Variants in STRN3 observed in about 807,000 individuals in gnomAD.
The protein encoded by STRN3 is striatin-3.
STRN3 carries 29 observed loss-of-function variants against 95.6 expected under a neutral mutation model. That is an observed-to-expected ratio of 0.30 (90% CI 0.23 to 0.41). The LOEUF is 0.41. Ranked by LOEUF, STRN3 falls within the 10% of genes least tolerant of loss-of-function variation. The pLI is 1.00. For missense variants in STRN3, 890 were observed against 972.1 expected (o/e 0.92, Z 1.12); for synonymous variants, 331 against 357.6 (o/e 0.93, Z 0.84).
At chr14:31,001,407 G>A (rs1882443725) in intron 1 of STRN3, among the ~76,000 whole-genome samples, 1 of 151,818 alleles carries the variant, frequency 6.6e-6, no homozygotes, top group African/African-American at 2.4e-5. Context: ...ATGGTGATGT[G>A]CGCCTGCAGT....
chr14:30,908,160 T>C (rs1896515684), intron 13 of STRN3, among the ~76,000 whole-genome samples: 1 of 152,194 alleles, frequency 6.6e-6, no homozygotes, highest in Non-Finnish European at 1.5e-5. Flanking sequence ...TTACTGCTTC[T>C]CTACTACACA....
intron 1 of STRN3, among the ~76,000 whole-genome samples, chr14:31,019,961 G>T (rs147074168): frequency 0.018 from 2,748 of 148,966 alleles, 86 homozygotes; most frequent in African/African-American, 0.063. Flanking sequence ...GGGCTCAAGT[G>T]ATCCTCCCAT....
chr14:30,931,258 G>C (rs1193684405), intron 7 of STRN3, among the ~76,000 whole-genome samples: 1 of 152,092 alleles, frequency 6.6e-6, no homozygotes, highest in Non-Finnish European at 1.5e-5. Context: ...GTTTGATATT[G>C]CTTATAAGAA....
At chr14:30,931,326 T>A (rs549631174) in intron 7 of STRN3, among the ~76,000 whole-genome samples, 46 of 152,230 alleles carry the variant, frequency 3.0e-4, no homozygotes, top group South Asian at 1.2e-3. Context: ...ATCCTTTTTT[T>A]AAAAAATCTA....
chr14:30,929,169 C>A (rs1461232079), intron 8 of STRN3, 32 bp downstream of exon 8: 1 of 1,536,294 alleles, frequency 6.5e-7, no homozygotes, highest in Non-Finnish European at 8.8e-7. Context: ...TATTGGTATA[C>A]AAAAATTATA....
chr14:30,948,492 T>C (rs1196071208), intron 4 of STRN3, among the ~76,000 whole-genome samples: 1 of 152,008 alleles, frequency 6.6e-6, no homozygotes, highest in Non-Finnish European at 1.5e-5. Flanking sequence ...AATGAAAATA[T>C]TTGAGAAATT....
At chr14:30,972,544 C>A (rs890191693) in intron 1 of STRN3, among the ~76,000 whole-genome samples, 1 of 151,958 alleles carries the variant, frequency 6.6e-6, no homozygotes, top group Non-Finnish European at 1.5e-5. Flanking sequence ...ATTTCTTTTG[C>A]GGCACGGAAA....
Position 30,937,378 on chromosome 14 carries a change from T to C in STRN3, c.717-754A>G, listed in dbSNP as rs951983814. ...GCCCAGATTTATAGTAAATCAGATA[T>C]AAAACAACCCAATCCATTTCACAGA... is the stretch of plus-strand genomic sequence containing the variant. On this transcript the variant is annotated intron_variant, in intron 5 of 17. Coordinates refer to ENST00000357479, the MANE Select transcript of STRN3 (RefSeq NM_001083893.2). 5.9e-5 allele frequency among the ~76,000 whole-genome samples: 9 copies of C among 152,002 alleles called. No homozygotes were observed. In the East Asian group the frequency reaches 1.5e-3, roughly 26 times the overall value.
intron 1 of STRN3, 197 bp downstream of exon 1, chr14:31,025,707 G>A (rs1883817784): frequency 1.2e-6 from 1 of 803,962 alleles, no homozygotes; most frequent in South Asian, 1.8e-5. Context: ...GTGAAGGTTG[G>A]GGAGCAAGCT....
At chr14:30,933,280 TAAAAAAAAAAAA>T (rs35736582) in intron 7 of STRN3, among the ~76,000 whole-genome samples, 1 of 22,778 alleles carries the variant, frequency 4.4e-5, no homozygotes, top group Non-Finnish European at 8.2e-5. Context: ...CCCTGTTTCA[TAAAAAAAAAAAA>T]AAAAAAAAAA....
At chr14:31,020,849 T>A (rs904251182) in intron 1 of STRN3, among the ~76,000 whole-genome samples, 9 of 151,732 alleles carry the variant, frequency 5.9e-5, no homozygotes, top group African/African-American at 2.2e-4. Context: ...GAGGCTACAG[T>A]AAGCCATGTT....
intron 5 of STRN3, among the ~76,000 whole-genome samples, chr14:30,939,278 T>C (rs1239865379): frequency 6.6e-6 from 1 of 152,154 alleles, no homozygotes; most frequent in Non-Finnish European, 1.5e-5. Context: ...AAGGGCAATA[T>C]GTGTCTCTGC....
At chr14:30,980,589 G>C (rs752270748) in intron 1 of STRN3, among the ~76,000 whole-genome samples, 1 of 151,904 alleles carries the variant, frequency 6.6e-6, no homozygotes, top group Non-Finnish European at 1.5e-5. Flanking sequence ...TGTATTTTTA[G>C]TAGAGACGGG....
At position 31,003,011 on chromosome 14, in the gene STRN3, C is replaced by T. The variant is rs141236110; in HGVS notation, c.282+22893G>A. 1.8e-3 allele frequency among the ~76,000 whole-genome samples: 273 copies of T among 152,088 alleles called. 5 individuals are homozygous for T. The East Asian group carries it at 0.032, about 18-fold the overall frequency. ...GGGCACGGTGGCTCATGCCTGTAAT[C>T]CCAGCACTTTGGGAGGCCGAGGTGG... On this transcript the variant is annotated intron_variant, in intron 1 of 17. Transcript: ENST00000357479.
intron 1 of STRN3, among the ~76,000 whole-genome samples, chr14:30,965,886 T>A (rs1235887393): frequency 1.3e-5 from 2 of 152,128 alleles, no homozygotes; most frequent in African/African-American, 4.8e-5. Context: ...TCAAATAATA[T>A]GTCAGTATGT....
intron 8 of STRN3, among the ~76,000 whole-genome samples, chr14:30,924,287 C>CTTTTTTTTTTTTT (rs71112354): frequency 0.04 from 3,115 of 77,208 alleles, 681 homozygotes; most frequent in Non-Finnish European, 0.043. Flanking sequence ...TGCCTTAAAT[C>CTTTTTTTTTTTTT]TTTTTTTTTT....
In STRN3 at chr14:30,895,095, A is replaced by G. The variant is rs546253394; in HGVS notation, c.*316T>C. 0.014 allele frequency: 3,028 copies of G among 221,534 alleles called. 134 individuals carry two copies. The highest frequency in any genetic ancestry group is 0.076 in the African/African-American group (2,815 of 37,124). 13.7% of individuals were successfully genotyped at this position (221,534 alleles called of 1,614,324 possible). A position where few individuals can be genotyped will look rare whatever the true frequency, so the allele number is the denominator to read the frequency against. On this transcript the variant is annotated 3_prime_UTR_variant, in exon 18 of 18. Transcript: ENST00000357479. ...AAAAAAAAAAGAAGAAGAAGAAGAG[A>G]AAAAAAAAAACTTTTTTGAAAGATC...
Position 30,947,098 on chromosome 14 carries a change from T to A in STRN3, c.708A>T (p.Glu236Asp), listed in dbSNP as rs1291215488. The change falls in exon 5 of 18, where the codon GAA becomes GAT. Residue 236 changes from glutamate (E) to aspartate (D), a missense_variant. By Grantham distance (45) the Glu-to-Asp change is conservative. Around this residue, in one of 3 missense-constraint regions of STRN3, gnomAD observed 526 missense variants for 526.3 expected, o/e 1.00. Transcript: ENST00000357479. Reference sequence around the variant, plus strand: ...TTAAGTATAAATCATACCTTTTTATTTCTTGTCCCTTTTGCTTAGGAGATT... The same window carrying A: ...TTAAGTATAAATCATACCTTTTTATATCTTGTCCCTTTTGCTTAGGAGATT... ...GGESPKQKGQ[E>D]IKRSSGDVLE... 1 of 1,593,958 alleles carries A rather than the reference T, an allele frequency of 6.3e-7. No individual in the cohort carries two copies. Among genetic ancestry groups the A allele is most frequent in the Non-Finnish European group, 8.5e-7 (1 of 1,173,048 alleles).
At chr14:31,019,119 T>C (rs1250827761) in intron 1 of STRN3, among the ~76,000 whole-genome samples, 1 of 152,036 alleles carries the variant, frequency 6.6e-6, no homozygotes, top group African/African-American at 2.4e-5. Flanking sequence ...AAGACCAGCC[T>C]AGACAACATA....
Sources: allele counts gnomAD v4.1 joint callset (sites outside exome capture counted in the v4.1 genomes callset), GRCh38; gene constraint gnomAD v4.1.1; regional missense constraint gnomAD v4.1.1; transcripts MANE v1.5; gene names NCBI Gene and HGNC (gene_info 2026-07-23, HGNC 2026-07-21).